Variants in NUP62 observed in about 807,000 individuals in gnomAD.
The protein encoded by NUP62 is nucleoporin 62.
For synonymous variants in NUP62, 305 were observed against 303.4 expected (o/e 1.01, Z -0.05); for missense variants, 647 against 689.4 (o/e 0.94, Z 0.69).
rs778588222 is a variant in NUP62, at chr19:49,908,885, G to A, written c.923C>T (p.Ala308Val). 3 of 1,610,082 alleles carry A rather than the reference G, an allele frequency of 1.9e-6. No homozygotes were observed. Among genetic ancestry groups the A allele is most frequent in the Non-Finnish European group, 2.5e-6 (3 of 1,179,298 alleles). Residue 308 changes from alanine (A) to valine (V), a missense_variant, in exon 3 of 3, where the codon GCT (alanine) becomes GTT (valine). Ala to Val is a moderately conservative substitution (Grantham distance 64, BLOSUM62 0). Transcript: ENST00000352066. ...APAGIPSNTA[A>V]AVTAPPGPGA... ...AGGGCCAGGTGGAGCGGTCACGGCA[G>A]CTGCTGTATTGCTGGGGATCCCGGC...
Position 49,908,003 on chromosome 19 carries a change from G to T in NUP62, c.*236C>A. The stretch of plus-strand genomic sequence containing the variant: ...TCGCAGTAGGTGAAAAGGGGCCAAA[G>T]ATACTCAAATGAAAGCCACAGAAGC... On this transcript the variant is annotated 3_prime_UTR_variant, in exon 3 of 3. Coordinates refer to ENST00000352066, the MANE Select transcript of NUP62 (RefSeq NM_016553.5). 1.2e-6 allele frequency: 1 copy of T among 812,720 alleles called. No homozygotes were observed. The highest frequency in any genetic ancestry group is 1.9e-6 in the Non-Finnish European group (1 of 536,956). The allele number at this position is 812,720 out of a possible 1,614,324, so 50.3% of individuals were successfully genotyped here. A position where few individuals can be genotyped will look rare whatever the true frequency, so the allele number is the denominator to read the frequency against.
Position 49,909,118 on chromosome 19 carries a change from G to C in NUP62, c.690C>G (p.Thr230=), listed in dbSNP as rs1324160680. Reference sequence around the variant, plus strand: ...GGGAGAGTCCAGTGGTGGCAGATGAGGTTGGAGCAGTTGCTATTGACGCAA... The same window carrying C: ...GGGAGAGTCCAGTGGTGGCAGATGACGTTGGAGCAGTTGCTATTGACGCAA... ...SLFASIATAP[T]SSATTGLSLC... Residue 230 remains threonine (T), a synonymous_variant, in exon 3 of 3, where the codon ACC becomes ACG. Transcript: ENST00000352066. The C allele has an allele frequency of 6.2e-7, 1 of 1,612,560 alleles. No homozygotes were observed. Among genetic ancestry groups the C allele is most frequent in the African/African-American group, 1.3e-5 (1 of 75,052 alleles).
chr19:49,921,809 C>T lies in NUP62; in HGVS notation c.-78+5885G>A, dbSNP rs942392228. Among the ~76,000 whole-genome samples, 2 of 152,200 alleles carry T rather than the reference C, an allele frequency of 1.3e-5. No individual in the cohort carries two copies. The highest frequency in any genetic ancestry group is 4.8e-5 in the African/African-American group (2 of 41,460). On this transcript the variant is annotated intron_variant, in intron 2 of 2. Transcript: ENST00000352066. This position sits in a 1 kb window ranked among gnomAD's most constrained non-coding sequence, Gnocchi z 5.4. ...TATGAGTGCTGGCTGGGCTCAAGCC[C>T]GGGTACTTTCCTCCGTGCCCAAGCA...
At position 49,921,036 on chromosome 19, in the gene NUP62, T is replaced by A. The variant is rs283522; in HGVS notation, c.-78+6658A>T. ...AAGATGGGGGCAGGGTGGCTTTCAT[T>A]ATGAGAACTGGAAGCAAACACAGCC... is the stretch of plus-strand genomic sequence containing the variant. On this transcript the variant is annotated intron_variant, in intron 2 of 2. Coordinates refer to ENST00000352066, the MANE Select transcript of NUP62 (RefSeq NM_016553.5). The surrounding 1 kb of genome is among the most constrained non-coding windows in gnomAD (Gnocchi z 5.4). 2.3e-3 allele frequency among the ~76,000 whole-genome samples: 345 copies of A among 152,180 alleles called. 2 individuals carry two copies. The highest frequency in any genetic ancestry group is 7.3e-3 in the African/African-American group (304 of 41,514).
intron 2 of NUP62, among the ~76,000 whole-genome samples, chr19:49,922,088 C>G (rs754103394): frequency 6.6e-6 from 1 of 152,224 alleles, no homozygotes; most frequent in Non-Finnish European, 1.5e-5. Context: ...GACCAAACAC[C>G]CCTCCTGACT....
intron 2 of NUP62, among the ~76,000 whole-genome samples, chr19:49,914,726 G>GTTTTCTTTTTT (rs2075575701): frequency 1.8e-5 from 1 of 56,362 alleles, no homozygotes; most frequent in Non-Finnish European, 3.2e-5. Flanking sequence ...CCAAGTCCCA[G>GTTTTCTTTTTT]TTTTTTTTTT....
In NUP62 at chr19:49,909,327, T is replaced by C. The variant is rs987794938; in HGVS notation, c.481A>G (p.Thr161Ala). 12 of 1,613,606 alleles carry C rather than the reference T, an allele frequency of 7.4e-6. No homozygotes were observed. The highest frequency in any genetic ancestry group is 1.6e-4 in the Middle Eastern group (1 of 6,084). Residue 161 changes from threonine to alanine, a missense_variant, in exon 3 of 3, where the codon ACT becomes GCT. By Grantham distance (58) the Thr-to-Ala change is moderately conservative. Transcript: ENST00000352066. The stretch of plus-strand genomic sequence containing the variant: ...GAGGGTTGGGCCGTGCTTCCACCAG[T>C]GAATGAGAAGCCTCCAGATGTGGTA... ...PATTSGGFSF[T>A]GGSTAQPSGF...
At chr19:49,927,095 A>C (rs1212231655) in intron 2 of NUP62, among the ~76,000 whole-genome samples, 1 of 152,020 alleles carries the variant, frequency 6.6e-6, no homozygotes, top group Non-Finnish European at 1.5e-5. Context: ...TCCTGAGATC[A>C]AGCAATCTGC....
At chr19:49,924,738 G>A (rs1152233) in intron 2 of NUP62, among the ~76,000 whole-genome samples, 2,263 of 152,158 alleles carry the variant, frequency 0.015, 47 homozygotes, top group South Asian at 0.1. Flanking sequence ...CTATGAACTA[G>A]AACAGGCTGG....
intron 2 of NUP62, among the ~76,000 whole-genome samples, chr19:49,922,260 G>A (rs1185307701): frequency 2.6e-5 from 4 of 152,216 alleles, no homozygotes; most frequent in African/African-American, 9.6e-5. Context: ...GCGAGTCCCT[G>A]TGGGGGACAG....
Position 49,907,271 on chromosome 19 carries a change from C to T in NUP62, c.*968G>A, listed in dbSNP as rs538005990. On this transcript the variant is annotated 3_prime_UTR_variant, in exon 3 of 3. Coordinates refer to ENST00000352066, the MANE Select transcript of NUP62 (RefSeq NM_016553.5). Reference sequence around the variant, plus strand: ...ACCTGCAAGAAGGCCACCTGAGCTTCGGGTAGCTGGGAAGGCTTCCTGGAG... The same window carrying T: ...ACCTGCAAGAAGGCCACCTGAGCTTTGGGTAGCTGGGAAGGCTTCCTGGAG... 72 of 295,094 alleles carry T rather than the reference C, an allele frequency of 2.4e-4. No individual in the cohort carries two copies. Among genetic ancestry groups the T allele is most frequent in the East Asian group, 1.5e-3 (12 of 8,232 alleles). The allele number at this position is 295,094 out of a possible 1,614,324, so 18.3% of individuals were successfully genotyped here. A position where few individuals can be genotyped will look rare whatever the true frequency, so the allele number is the denominator to read the frequency against.
chr19:49,909,817 C>T lies in NUP62; in HGVS notation c.-10G>A. ...AATTAAACCCGCTCATGGCTCCGGA[C>T]TCTGGTGGCGGCAGCTACTCTGGCT... On this transcript the variant is annotated 5_prime_UTR_variant, in exon 3 of 3. Transcript: ENST00000352066. The T allele has an allele frequency of 6.2e-7, 1 of 1,613,750 alleles. No individual in the cohort carries two copies.
intron 2 of NUP62, among the ~76,000 whole-genome samples, chr19:49,925,988 AT>A (rs2075876654): frequency 1.3e-5 from 2 of 152,134 alleles, no homozygotes; most frequent in South Asian, 4.2e-4. Flanking sequence ...AGGCAGGCAG[AT>A]CACGAGGTCA....
At chr19:49,919,182 T>G (rs2075704078) in intron 2 of NUP62, among the ~76,000 whole-genome samples, 1 of 152,104 alleles carries the variant, frequency 6.6e-6, no homozygotes, top group Non-Finnish European at 1.5e-5. Context: ...ATTTTGTGAA[T>G]AGGTAGTATG....
At chr19:49,913,895 G>T (rs996143729) in intron 2 of NUP62, among the ~76,000 whole-genome samples, 2 of 152,200 alleles carry the variant, frequency 1.3e-5, no homozygotes, top group Admixed American at 6.5e-5. Flanking sequence ...GGGTGTGGGG[G>T]ATGAACCGTA....
chr19:49,928,353 TA>T (rs1291874468), intron 1 of NUP62: 4 of 152,110 alleles, frequency 2.6e-5, no homozygotes, highest in African/African-American at 7.2e-5. Flanking sequence ...CCGTCTCTAC[TA>T]AAAATACAAA....
chr19:49,914,832 CG>C (rs1220794376), intron 2 of NUP62, among the ~76,000 whole-genome samples: 1 of 149,664 alleles, frequency 6.7e-6, no homozygotes, highest in East Asian at 2.0e-4. Context: ...CTCCGCCTCC[CG>C]GGTTCAAGCA....
At chr19:49,919,787 C>T (rs1600541482) in intron 2 of NUP62, among the ~76,000 whole-genome samples, 1 of 115,892 alleles carries the variant, frequency 8.6e-6, no homozygotes, top group African/African-American at 3.6e-5. Flanking sequence ...GATTCTAGAA[C>T]CACCGCTTGC....
intron 2 of NUP62, among the ~76,000 whole-genome samples, chr19:49,926,925 G>A (rs1175262849): frequency 2.0e-5 from 3 of 150,118 alleles, no homozygotes; most frequent in Admixed American, 6.7e-5. Context: ...GCACAATCTC[G>A]GCTTACTGCA....
Sources: allele counts gnomAD v4.1 joint callset (sites outside exome capture counted in the v4.1 genomes callset), GRCh38; gene constraint gnomAD v4.1.1; non-coding constraint Gnocchi (gnomAD v3.1); transcripts MANE v1.5; gene names NCBI Gene and HGNC (gene_info 2026-07-23, HGNC 2026-07-21).